The following ZNF445 variants were observed in gnomAD, a reference collection of about 807,000 sequenced individuals.
ZNF445 encodes zinc finger protein 445.
Under a neutral mutation model 93.9 loss-of-function variants are expected in ZNF445, and 19 were observed. The ratio of observed to expected loss-of-function variants is 0.20; its 90% CI spans 0.14 to 0.30. The LOEUF (loss-of-function observed/expected upper bound fraction) is 0.30, where lower values mean the gene tolerates loss of function less well. Ranked by LOEUF, ZNF445 falls within the 10% of genes least tolerant of loss-of-function variation. The pLI, the probability that ZNF445 is intolerant of heterozygous loss-of-function variation, is 1.00. For synonymous variants in ZNF445, 449 were observed against 446.3 expected (o/e 1.01, Z -0.08); for missense variants, 1,058 against 1,259.4 (o/e 0.84, Z 2.42).
rs1697859528 is a variant in ZNF445 at position 44,444,874 on chromosome 3, A to C, written c.*1701T>G. On this transcript the variant is annotated 3_prime_UTR_variant, in exon 8 of 8. Coordinates refer to ENST00000396077, the MANE Select transcript of ZNF445 (RefSeq NM_181489.6). The stretch of plus-strand genomic sequence containing the variant: ...GCTCCATGAACGGGCCCCTATAGTC[A>C]GGACACTGCTCTACTATTAAAACAT... 1.3e-5 allele frequency: 2 copies of C among 152,246 alleles called. No homozygotes were observed. The highest frequency in any genetic ancestry group is 2.9e-5 in the Non-Finnish European group (2 of 68,040). 9.4% of individuals were successfully genotyped at this position (152,246 alleles called of 1,614,324 possible).
intron 1 of ZNF445, among the ~76,000 whole-genome samples, chr3:44,467,172 A>G (rs1207136767): frequency 6.6e-6 from 1 of 152,224 alleles, no homozygotes; most frequent in Non-Finnish European, 1.5e-5. Flanking sequence ...AAGAGAACTT[A>G]TTTCTTTAGA....
rs1416799927 is a variant in ZNF445 at position 44,434,730 on chromosome 3, A to G, written c.*11845T>C. ...TTCCTGATGGTCTTTACTCACAGGT[A>G]TAGAGAAACATTCACCAGATGGGTA... On this transcript the variant is annotated 3_prime_UTR_variant, in exon 8 of 8. Transcript: ENST00000396077. 1.3e-5 allele frequency: 2 copies of G among 152,194 alleles called. No individual in the cohort carries two copies. The highest frequency in any genetic ancestry group is 2.9e-5 in the Non-Finnish European group (2 of 68,034). The allele number at this position is 152,194 out of a possible 1,614,324, so 9.4% of individuals were successfully genotyped here.
intron 2 of ZNF445, among the ~76,000 whole-genome samples, chr3:44,457,932 G>A (rs1698054884): frequency 1.4e-5 from 2 of 145,340 alleles, no homozygotes; most frequent in South Asian, 4.3e-4. Flanking sequence ...AGAATTGCTT[G>A]AAGCTGGGCG....
chr3:44,465,633 C>T (rs1353094169), intron 1 of ZNF445, among the ~76,000 whole-genome samples: 1 of 152,180 alleles, frequency 6.6e-6, no homozygotes, highest in Non-Finnish European at 1.5e-5. Context: ...TAGCTTTAGG[C>T]TGGGAGTGGT....
intron 1 of ZNF445, among the ~76,000 whole-genome samples, chr3:44,464,706 G>A (rs1575315765): frequency 6.6e-6 from 1 of 152,100 alleles, no homozygotes; most frequent in East Asian, 1.9e-4. Context: ...TAAGGCCTTG[G>A]GACATATGGA....
chr3:44,462,558 T>C (rs931257235), intron 1 of ZNF445, among the ~76,000 whole-genome samples: 1 of 152,218 alleles, frequency 6.6e-6, no homozygotes, highest in African/African-American at 2.4e-5. Context: ...GTCTGGTTTT[T>C]TATTTATGTA....
At chr3:44,456,445 C>T (rs1356351491) in intron 2 of ZNF445, among the ~76,000 whole-genome samples, 1 of 151,934 alleles carries the variant, frequency 6.6e-6, no homozygotes. Context: ...AGCAAACAAA[C>T]AAAACCAAAA....
chr3:44,439,455 A>G lies in ZNF445; in HGVS notation c.*7120T>C, dbSNP rs1184279869. ...GCAAAAGGTGGTTAACTAACACTCA[A>G]AGTCTCATTGTGACCCTCCCTTCTG... On this transcript the variant is annotated 3_prime_UTR_variant, in exon 8 of 8. Coordinates refer to ENST00000396077, the MANE Select transcript of ZNF445 (RefSeq NM_181489.6). 1.3e-5 allele frequency: 2 copies of G among 152,202 alleles called. No homozygotes were observed. The highest frequency in any genetic ancestry group is 2.9e-5 in the Non-Finnish European group (2 of 68,064). 9.4% of individuals were successfully genotyped at this position (152,202 alleles called of 1,614,324 possible). A position where few individuals can be genotyped will look rare whatever the true frequency, so the allele number is the denominator to read the frequency against.
chr3:44,448,562 T>C lies in ZNF445; in HGVS notation c.1109A>G (p.Gln370Arg). Residue 370 changes from glutamine (Q) to arginine (R), a missense_variant, in exon 8 of 8, where the codon CAA (glutamine) becomes CGA (arginine). By Grantham distance (43) the Gln-to-Arg change is conservative. Coordinates refer to ENST00000396077, the MANE Select transcript of ZNF445 (RefSeq NM_181489.6). Reference protein sequence around the residue: ...RQKDQCENPIQVRVKKEETNF... With the variant: ...RQKDQCENPIRVRVKKEETNF... ...GGTCTCTTCTTTCTTAACTCTTACT[T>C]GTATGGGATTTTCACATTGATCCTT... 6.2e-7 allele frequency: 1 copy of C among 1,614,116 alleles called. No homozygotes were observed. Among genetic ancestry groups the C allele is most frequent in the Non-Finnish European group, 8.5e-7 (1 of 1,180,042 alleles).
chr3:44,453,071 G>A (rs766562375), intron 3 of ZNF445, among the ~76,000 whole-genome samples: 10 of 149,904 alleles, frequency 6.7e-5, no homozygotes, highest in Non-Finnish European at 1.0e-4. Flanking sequence ...ACACCACCAC[G>A]CCCAGCTAAT....
In ZNF445 at chr3:44,457,569, G is replaced by A. The variant is rs1698047008; in HGVS notation, c.-148+675C>T. Reference sequence around the variant, plus strand: ...GAGCCACTAAGCCTGATCTCCAATCGATTTTTGATAAAGATGCAAAAGCAG... The same window carrying A: ...GAGCCACTAAGCCTGATCTCCAATCAATTTTTGATAAAGATGCAAAAGCAG... On this transcript the variant is annotated intron_variant, in intron 2 of 7. Coordinates refer to ENST00000396077, the MANE Select transcript of ZNF445 (RefSeq NM_181489.6). 2.0e-5 allele frequency among the ~76,000 whole-genome samples: 3 copies of A among 152,148 alleles called. 1 individual carries two copies. The highest frequency in any genetic ancestry group is 2.0e-4 in the Admixed American group (3 of 15,272).
Position 44,452,723 on chromosome 3 carries a change from T to C in ZNF445, c.430-1241A>G, listed in dbSNP as rs547095726. ...GGTCCTTTTGAACATTTCATTGTTT[T>C]GGTAAAAATAACAAATGCTCTTTTA... On this transcript the variant is annotated intron_variant, in intron 3 of 7. Transcript: ENST00000396077. Among the ~76,000 whole-genome samples the C allele has an allele frequency of 1.4e-3, 214 of 152,342 alleles. 1 individual carries two copies. The highest frequency in any genetic ancestry group is 2.6e-3 in the Admixed American group (40 of 15,306).
intron 2 of ZNF445, among the ~76,000 whole-genome samples, chr3:44,456,214 G>A (rs567153055): frequency 4.6e-5 from 7 of 152,208 alleles, no homozygotes; most frequent in South Asian, 4.2e-4. Context: ...TCAGGAGTTC[G>A]AGACCAGCCT....
At chr3:44,457,269 A>AT (rs57442094) in intron 2 of ZNF445, among the ~76,000 whole-genome samples, 1,692 of 149,594 alleles carry the variant, frequency 0.011, 25 homozygotes, top group African/African-American at 0.039. Flanking sequence ...CACCCAACTG[A>AT]TTTTTTTTTT....
chr3:44,435,344 GAACA>G lies in ZNF445; in HGVS notation c.*11227_*11230del, dbSNP rs1282781165. ...GTGATTGATTTACTGTGTGAGAACA[GAACA>G]AACCTGGGCCTGGCTCAGTAACAAC... On this transcript the variant is annotated 3_prime_UTR_variant, in exon 8 of 8. Transcript: ENST00000396077. 6.6e-6 allele frequency: 1 copy of G among 152,206 alleles called. No homozygotes were observed. The highest frequency in any genetic ancestry group is 2.4e-5 in the African/African-American group (1 of 41,440). The allele number at this position is 152,206 out of a possible 1,614,324, so 9.4% of individuals were successfully genotyped here. A position where few individuals can be genotyped will look rare whatever the true frequency, so the allele number is the denominator to read the frequency against.
chr3:44,475,817 G>A (rs1012469707), intron 1 of ZNF445, among the ~76,000 whole-genome samples: 2 of 151,978 alleles, frequency 1.3e-5, no homozygotes, highest in Non-Finnish European at 2.9e-5. Flanking sequence ...TGACCAATAC[G>A]GTGAAACCCC....
chr3:44,474,470 C>T (rs764165373), intron 1 of ZNF445, among the ~76,000 whole-genome samples: 1 of 152,212 alleles, frequency 6.6e-6, no homozygotes, highest in East Asian at 1.9e-4. Flanking sequence ...GCCGAGATCA[C>T]GCCATTGCAC....
chr3:44,447,405 G>C lies in ZNF445; in HGVS notation c.2266C>G (p.His756Asp). The C allele has an allele frequency of 6.2e-7, 1 of 1,614,186 alleles. No individual in the cohort carries two copies. ...DTVFQVPQSS[H>D]SKEEPYKCSQ... ...CATTTGTAGGGCTCCTCTTTGGAGT[G>C]ACTGCTCTGAGGAACCTGGAACACT... The change falls in exon 8 of 8, where the codon CAC (histidine) becomes GAC (aspartate). Residue 756 changes from histidine to aspartate, a missense_variant. By Grantham distance (81) the His-to-Asp change is moderately conservative (BLOSUM62 -1). This residue lies in a region of ZNF445 where 387 missense variants were observed against 475.7 expected (regional missense o/e 0.81). Transcript: ENST00000396077. This position sits in a 1 kb window ranked among gnomAD's most constrained non-coding sequence, Gnocchi z 4.7.
intron 5 of ZNF445, 50 bp from the exon 6 acceptor site, chr3:44,450,623 G>A (rs765166262): frequency 6.3e-7 from 1 of 1,592,958 alleles, no homozygotes; most frequent in Non-Finnish European, 8.6e-7. Context: ...CAGCTTTGAG[G>A]TGGAAAGGGA....
Sources: allele counts gnomAD v4.1 joint callset (sites outside exome capture counted in the v4.1 genomes callset), GRCh38; gene constraint gnomAD v4.1.1; regional missense constraint gnomAD v4.1.1; non-coding constraint Gnocchi (gnomAD v3.1); transcripts MANE v1.5; gene names NCBI Gene and HGNC (gene_info 2026-07-23, HGNC 2026-07-21).